GNAQ: variants seen among roughly 807,000 people sequenced by gnomAD.
GNAQ encodes G protein subunit alpha q.
A neutral mutation model predicts 43.9 loss-of-function variants in GNAQ; 8 were observed. That is an observed-to-expected ratio of 0.18 (90% CI 0.11 to 0.33). GNAQ has a LOEUF of 0.33. Among genes scored for constraint, GNAQ ranks in the 10% least tolerant of loss-of-function variants. The probability of loss-of-function intolerance (pLI) is 1.00; values close to 1 mark genes in which losing one functional copy is unlikely to be tolerated. For missense variants in GNAQ, 158 were observed against 450.8 expected, an observed-to-expected ratio of 0.35 and a Z score of 5.88; for synonymous variants, 155 against 170.7, an observed-to-expected ratio of 0.91 and a Z score of 0.71.
At chr9:77,992,434 A>G (rs1242948459) in intron 1 of GNAQ, among the ~76,000 whole-genome samples, 1 of 152,188 alleles carries the variant, frequency 6.6e-6, no homozygotes, top group Non-Finnish European at 1.5e-5. Context: ...AAAAGGATGA[A>G]CACAAAATAG....
intron 1 of GNAQ, among the ~76,000 whole-genome samples, chr9:78,006,028 C>G (rs898186070): frequency 3.9e-5 from 6 of 152,110 alleles, no homozygotes; most frequent in Non-Finnish European, 7.4e-5. Context: ...AGTTATTGCA[C>G]GCAGGCTTAC....
At chr9:77,736,635 C>T (rs1205011184) in intron 5 of GNAQ, among the ~76,000 whole-genome samples, 1 of 152,112 alleles carries the variant, frequency 6.6e-6, no homozygotes, top group African/African-American at 2.4e-5. Flanking sequence ...GGTCACATGT[C>T]AGGCCCTTGT....
chr9:77,721,502 C>T lies in GNAQ; in HGVS notation c.901G>A (p.Asp301Asn), dbSNP rs1236524878. 6.2e-7 allele frequency: 1 copy of T among 1,608,702 alleles called. No homozygotes were observed. The highest frequency in any genetic ancestry group is 1.1e-5 in the South Asian group (1 of 90,838). ...ATGAATTCTCGGGCTGCCTGGGCAT[C>T]TCTCTGGGGTCCTTTCGGCCAAGAG... ...YFPEYDGPQR[D>N]AQAAREFILK... Residue 301 changes from aspartate to asparagine, a missense_variant, in exon 7 of 7, where the codon GAT (aspartate) becomes AAT (asparagine). Physicochemically the swap from Asp to Asn is conservative, Grantham distance 23. Around this residue, in one of 9 missense-constraint regions of GNAQ, gnomAD observed 56 missense variants for 172.2 expected, o/e 0.33. Transcript: ENST00000286548.
chr9:77,780,803 C>G (rs1826383321), intron 5 of GNAQ, among the ~76,000 whole-genome samples: 1 of 151,882 alleles, frequency 6.6e-6, no homozygotes, highest in Non-Finnish European at 1.5e-5. Flanking sequence ...TAATGGCCTT[C>G]CTAAGTGGGG....
intron 3 of GNAQ, among the ~76,000 whole-genome samples, chr9:77,814,474 T>C (rs143752560): frequency 1.7e-3 from 263 of 152,312 alleles, no homozygotes; most frequent in African/African-American, 6.2e-3. Context: ...ATGAGCACTG[T>C]GTCACATTTC....
At chr9:77,758,187 C>T (rs1564101621) in intron 5 of GNAQ, among the ~76,000 whole-genome samples, 1 of 152,212 alleles carries the variant, frequency 6.6e-6, no homozygotes, top group Non-Finnish European at 1.5e-5. Flanking sequence ...ATTTGTCTTA[C>T]ATTTGCTTTC....
At chr9:77,807,451 T>C (rs1826846545) in intron 3 of GNAQ, among the ~76,000 whole-genome samples, 1 of 152,208 alleles carries the variant, frequency 6.6e-6, no homozygotes, top group Non-Finnish European at 1.5e-5. Context: ...ACATGACACA[T>C]AATCCTTGCA....
At chr9:77,752,505 A>T (rs1320001941) in intron 5 of GNAQ, among the ~76,000 whole-genome samples, 1 of 152,162 alleles carries the variant, frequency 6.6e-6, no homozygotes. Flanking sequence ...TTCACATCCA[A>T]TCTCCTCTTT....
chr9:77,837,547 C>A (rs1196380178), intron 2 of GNAQ, among the ~76,000 whole-genome samples: 1 of 151,698 alleles, frequency 6.6e-6, no homozygotes, highest in East Asian at 1.9e-4. Context: ...GAGTGAGACT[C>A]TGTCTCAAAA....
At chr9:77,830,005 G>A (rs1827271878) in intron 2 of GNAQ, among the ~76,000 whole-genome samples, 1 of 152,046 alleles carries the variant, frequency 6.6e-6, no homozygotes, top group Non-Finnish European at 1.5e-5. Context: ...GCTGAAGTGA[G>A]TACAGGGCAC....
At chr9:77,920,042 G>C (rs1319916520) in intron 2 of GNAQ, among the ~76,000 whole-genome samples, 5 of 152,070 alleles carry the variant, frequency 3.3e-5, no homozygotes, top group African/African-American at 4.8e-5. Flanking sequence ...GGGATGCTGA[G>C]GCAGGAGAAT....
intron 1 of GNAQ, among the ~76,000 whole-genome samples, chr9:78,004,161 G>A (rs1475844998): frequency 6.6e-6 from 1 of 151,628 alleles, no homozygotes; most frequent in African/African-American, 2.4e-5. Context: ...AGCCAAAGGT[G>A]GCAGGAATTG....
chr9:78,023,250 G>A (rs553792355), intron 1 of GNAQ, among the ~76,000 whole-genome samples: 92 of 152,246 alleles, frequency 6.0e-4, no homozygotes, highest in African/African-American at 2.1e-3. Flanking sequence ...GTTAATCATT[G>A]CCTAAACACA....
chr9:77,923,804 A>G (rs1829030978), intron 1 of GNAQ, among the ~76,000 whole-genome samples: 1 of 152,156 alleles, frequency 6.6e-6, no homozygotes, highest in Non-Finnish European at 1.5e-5. Flanking sequence ...GAGAGAGGGA[A>G]AGGAAGGAAA....
chr9:77,758,050 ATAT>A (rs1468751727), intron 5 of GNAQ, among the ~76,000 whole-genome samples: 1 of 152,232 alleles, frequency 6.6e-6, no homozygotes, highest in Non-Finnish European at 1.5e-5. Context: ...AAGTCTAAAA[ATAT>A]TATATGAATT....
intron 5 of GNAQ, among the ~76,000 whole-genome samples, chr9:77,735,405 A>G (rs1825562002): frequency 6.6e-6 from 1 of 152,228 alleles, no homozygotes; most frequent in South Asian, 2.1e-4. Context: ...AGAATTTGAA[A>G]AATCTGAACA....
intron 2 of GNAQ, among the ~76,000 whole-genome samples, chr9:77,872,862 A>T (rs56124603): frequency 6.6e-6 from 1 of 152,198 alleles, no homozygotes. Flanking sequence ...AGGTTTTACA[A>T]ACTGATAGTG....
chr9:77,790,691 G>C (rs1315447974), intron 5 of GNAQ, among the ~76,000 whole-genome samples: 1 of 152,158 alleles, frequency 6.6e-6, no homozygotes, highest in East Asian at 1.9e-4. Flanking sequence ...AGCTCCTCTT[G>C]CTTTTTCTTT....
chr9:77,836,590 G>C (rs565483829), intron 2 of GNAQ, among the ~76,000 whole-genome samples: 1 of 152,184 alleles, frequency 6.6e-6, no homozygotes, highest in East Asian at 1.9e-4. Flanking sequence ...GTACAAGTAA[G>C]GACGGAACTC....
Sources: allele counts gnomAD v4.1 joint callset (sites outside exome capture counted in the v4.1 genomes callset), GRCh38; gene constraint gnomAD v4.1.1; regional missense constraint gnomAD v4.1.1; transcripts MANE v1.5; gene names NCBI Gene and HGNC (gene_info 2026-07-23, HGNC 2026-07-21).